The following TRPM3 variants were observed in gnomAD, a reference collection of about 807,000 sequenced individuals.
TRPM3 encodes transient receptor potential cation channel subfamily M member 3.
In TRPM3, 77 loss-of-function variants were observed where a neutral mutation model predicts 181.2. That is an observed-to-expected ratio of 0.42 (90% CI 0.35 to 0.51). The LOEUF is 0.51. Among genes scored for constraint, TRPM3 ranks in the 20% least tolerant of loss-of-function variants. TRPM3 has a pLI of 0.01. For synonymous variants in TRPM3, 745 were observed against 796.4 expected, an observed-to-expected ratio of 0.94 and a Z score of 1.09; for missense variants, 1,759 against 2,196.7, an observed-to-expected ratio of 0.80 and a Z score of 3.98.
chr9:71,073,454 T>C (rs943039372), intron 1 of TRPM3, among the ~76,000 whole-genome samples: 1 of 152,194 alleles, frequency 6.6e-6, no homozygotes, highest in African/African-American at 2.4e-5. Context: ...ATTTTCCAGT[T>C]CTGAGCTTGA....
chr9:71,085,615 C>A (rs1190095564), intron 1 of TRPM3, among the ~76,000 whole-genome samples: 2 of 151,618 alleles, frequency 1.3e-5, no homozygotes, highest in Non-Finnish European at 2.9e-5. Context: ...TCACTAATCA[C>A]CAGAGAAATG....
chr9:70,542,104 T>C (rs533732058), intron 25 of TRPM3, among the ~76,000 whole-genome samples: 41 of 152,214 alleles, frequency 2.7e-4, no homozygotes, highest in African/African-American at 9.4e-4. Context: ...CTGGGTGATA[T>C]AGTGAGACCC....
At chr9:71,040,551 A>G (rs2058702342) in intron 1 of TRPM3, among the ~76,000 whole-genome samples, 1 of 152,218 alleles carries the variant, frequency 6.6e-6, no homozygotes, top group Admixed American at 6.5e-5. Flanking sequence ...ATTGCCTTTG[A>G]TTAGAATTAA....
intron 24 of TRPM3, among the ~76,000 whole-genome samples, chr9:70,551,808 T>C (rs2131847133): frequency 6.6e-6 from 1 of 152,302 alleles, no homozygotes; most frequent in African/African-American, 2.4e-5. Context: ...GTTTATTTCA[T>C]AGGTCATCCA....
At chr9:70,955,028 A>G (rs987392811) in intron 1 of TRPM3, among the ~76,000 whole-genome samples, 1 of 152,166 alleles carries the variant, frequency 6.6e-6, no homozygotes, top group Admixed American at 6.6e-5. Flanking sequence ...TAAGATAATC[A>G]GCTATAGCTT....
rs566405849 is a variant in TRPM3 at position 71,153,882 on chromosome 9, T to C, written c.184-289371A>G. ...AGCATCTTCCTTTTTTTCCTTTAAC[T>C]TAGCAACCTTATTGCACATAGTCTA... On this transcript the variant is annotated intron_variant, in intron 1 of 24. Transcript: ENST00000357533. Among the ~76,000 whole-genome samples, 72 of 152,258 alleles carry C rather than the reference T, an allele frequency of 4.7e-4. 2 individuals are homozygous for C. In the South Asian group the frequency reaches 0.015, roughly 32 times the overall value.
chr9:71,241,461 A>G (rs921162075), intron 1 of TRPM3, among the ~76,000 whole-genome samples: 1 of 137,414 alleles, frequency 7.3e-6, no homozygotes, highest in African/African-American at 2.7e-5. Context: ...ACACATGGAC[A>G]CCGGAAGGGG....
At chr9:70,906,446 C>T (rs971315200) in intron 1 of TRPM3, among the ~76,000 whole-genome samples, 3 of 152,120 alleles carry the variant, frequency 2.0e-5, no homozygotes, top group Admixed American at 2.0e-4. Context: ...TGACCTCCTG[C>T]TTGTTAAATT....
At chr9:70,647,434 C>CA (rs554186824) in intron 9 of TRPM3, among the ~76,000 whole-genome samples, 174 of 152,148 alleles carry the variant, frequency 1.1e-3, no homozygotes, top group African/African-American at 4.0e-3. Context: ...GAACTAAAAA[C>CA]AAAAAACACA....
chr9:71,390,254 A>C (rs1001285431), intron 1 of TRPM3, among the ~76,000 whole-genome samples: 23 of 152,052 alleles, frequency 1.5e-4, no homozygotes, highest in African/African-American at 4.8e-4. Context: ...AAGAAAGAAG[A>C]GAAGTGGGTA....
At chr9:70,989,587 T>C (rs1187506008) in intron 1 of TRPM3, among the ~76,000 whole-genome samples, 1 of 152,134 alleles carries the variant, frequency 6.6e-6, no homozygotes, top group East Asian at 1.9e-4. Flanking sequence ...GGGGGTAGGA[T>C]GGAGGTTACG....
intron 1 of TRPM3, among the ~76,000 whole-genome samples, chr9:70,875,906 C>T (rs777015870): frequency 4.2e-4 from 64 of 151,780 alleles, no homozygotes; most frequent in African/African-American, 6.8e-4. Context: ...ATTAAGTTAA[C>T]GCAGCATAAA....
intron 1 of TRPM3, among the ~76,000 whole-genome samples, chr9:71,052,837 A>T (rs1466190364): frequency 1.3e-5 from 2 of 152,100 alleles, no homozygotes; most frequent in African/African-American, 4.8e-5. Flanking sequence ...TCACCAAGTA[A>T]AATTAACTTC....
intron 22 of TRPM3, among the ~76,000 whole-genome samples, chr9:70,576,129 G>A (rs797006231): frequency 2.0e-5 from 3 of 152,166 alleles, no homozygotes; most frequent in African/African-American, 4.8e-5. Context: ...CCTCATGGGC[G>A]GTACAATGTA....
rs1338993995 is a variant in TRPM3 at position 71,146,124 on chromosome 9, T to C, written c.184-281613A>G. On this transcript the variant is annotated intron_variant, in intron 1 of 24. Coordinates refer to the TRPM3 transcript ENST00000357533. ...TATTATCTTTGTGTATTTGGAAGAA[T>C]GGGAGAAAATTTTCCCAAACTATGT... Among the ~76,000 whole-genome samples the C allele has an allele frequency of 2.6e-5, 4 of 152,194 alleles. No homozygotes were observed. In the South Asian group the frequency reaches 6.2e-4, roughly 24 times the overall value.
chr9:70,695,147 C>T (rs999383876), intron 8 of TRPM3, among the ~76,000 whole-genome samples: 7 of 152,206 alleles, frequency 4.6e-5, no homozygotes, highest in African/African-American at 1.7e-4. Context: ...GTATTTTATA[C>T]TCTGGCTCAG....
At chr9:71,406,713 C>A (rs1019736515) in intron 1 of TRPM3, among the ~76,000 whole-genome samples, 2 of 152,134 alleles carry the variant, frequency 1.3e-5, no homozygotes, top group African/African-American at 4.8e-5. Flanking sequence ...GCATCAGTGC[C>A]TTTAAGAACC....
At chr9:71,309,174 A>G (rs928909396) in intron 1 of TRPM3, among the ~76,000 whole-genome samples, 1 of 152,176 alleles carries the variant, frequency 6.6e-6, no homozygotes, top group African/African-American at 2.4e-5. Flanking sequence ...TACCTTTTCA[A>G]AAAGACTCAC....
intron 1 of TRPM3, among the ~76,000 whole-genome samples, chr9:71,289,131 G>A (rs974924172): frequency 2.0e-5 from 3 of 151,204 alleles, no homozygotes; most frequent in Non-Finnish European, 4.4e-5. Flanking sequence ...CACTTAAAAA[G>A]GCATCACAAA....
Sources: gnomAD v4.1 joint callset for allele counts (sites outside exome capture counted in the v4.1 genomes callset) on GRCh38, gnomAD v4.1.1 for gene constraint, MANE v1.5 for transcripts, NCBI Gene and HGNC (gene_info 2026-07-23, HGNC 2026-07-21) for gene names.